PDE1C: variants seen among roughly 807,000 people sequenced by gnomAD.
The protein encoded by PDE1C is dual specificity calcium/calmodulin-dependent 3',5'-cyclic nucleotide phosphodiesterase 1C.
A neutral mutation model predicts 93.1 loss-of-function variants in PDE1C; 62 were observed. The ratio of observed to expected loss-of-function variants is 0.67; its 90% CI spans 0.54 to 0.82. PDE1C has a LOEUF of 0.82. Among genes scored for constraint, PDE1C ranks in the 40% least tolerant of loss-of-function variants. The pLI is 0.00. For synonymous variants in PDE1C, 325 were observed against 310.1 expected, an observed-to-expected ratio of 1.05 and a Z score of -0.50; for missense variants, 742 against 884.6, an observed-to-expected ratio of 0.84 and a Z score of 2.04.
intron 9 of PDE1C, among the ~76,000 whole-genome samples, chr7:31,844,229 AG>A (rs1344555500): frequency 6.6e-6 from 1 of 151,730 alleles, no homozygotes; most frequent in East Asian, 1.9e-4. Flanking sequence ...ATAAATATTT[AG>A]ATTTATTAAT....
chr7:31,760,642 T>C (rs1794773033), intron 17 of PDE1C, among the ~76,000 whole-genome samples: 1 of 152,130 alleles, frequency 6.6e-6, no homozygotes, highest in East Asian at 1.9e-4. Context: ...ATTGGTAGCC[T>C]TAGTTTTAAA....
At chr7:31,794,212 A>G (rs965768767) in intron 16 of PDE1C, among the ~76,000 whole-genome samples, 1 of 151,902 alleles carries the variant, frequency 6.6e-6, no homozygotes, top group African/African-American at 2.4e-5. Flanking sequence ...TAACTCCTAA[A>G]ATTTACCCAT....
chr7:32,382,398 G>T lies in PDE1C; in HGVS notation c.310+45424C>A, dbSNP rs1483904766. Among the ~76,000 whole-genome samples the T allele has an allele frequency of 2.0e-5, 3 of 151,996 alleles. No homozygotes were observed. In the East Asian group the frequency reaches 5.8e-4, roughly 29 times the overall value. ...AAAAAGAGTCCTAAGGCTCTGTCTTGGCCCCCCTACCTTGTATCCCTGTCC... is the reference window on the plus strand; with the variant it reads ...AAAAAGAGTCCTAAGGCTCTGTCTTTGCCCCCCTACCTTGTATCCCTGTCC... On this transcript the variant is annotated intron_variant, in intron 1 of 1. Coordinates refer to the PDE1C transcript ENST00000672256.
chr7:32,397,877 G>T (rs937680190), intron 1 of PDE1C, among the ~76,000 whole-genome samples: 11 of 150,890 alleles, frequency 7.3e-5, no homozygotes, highest in Admixed American at 6.6e-4. Flanking sequence ...AAAATTAGCC[G>T]GGCATGGTGG....
intron 3 of PDE1C, among the ~76,000 whole-genome samples, chr7:32,113,732 A>C (rs1227936624): frequency 6.6e-6 from 1 of 152,046 alleles, no homozygotes; most frequent in African/African-American, 2.4e-5. Flanking sequence ...TTCTGAGAAA[A>C]TTTTTAACCA....
At chr7:31,809,534 C>G (rs1787297180) in intron 15 of PDE1C, among the ~76,000 whole-genome samples, 2 of 152,012 alleles carry the variant, frequency 1.3e-5, no homozygotes, top group African/African-American at 4.8e-5. Flanking sequence ...TCACTCAATA[C>G]AGTTATTATT....
At chr7:32,234,966 A>G (rs1017040708) in intron 1 of PDE1C, among the ~76,000 whole-genome samples, 3 of 152,094 alleles carry the variant, frequency 2.0e-5, no homozygotes, top group African/African-American at 7.2e-5. Context: ...AAATCAATCA[A>G]TGAATTTCAC....
rs932667234 is a variant in PDE1C, at chr7:32,387,344, C to T, written c.310+40478G>A. ...CCACCCTTCCCGCCTTTCTATTCCA[C>T]AAAACCGCCATTGTCATCATGGCCC... On this transcript the variant is annotated intron_variant, in intron 1 of 1. Coordinates refer to the PDE1C transcript ENST00000672256. 2.0e-3 allele frequency among the ~76,000 whole-genome samples: 300 copies of T among 151,574 alleles called. 1 individual carries two copies. The highest frequency in any genetic ancestry group is 6.9e-3 in the African/African-American group (285 of 41,456).
chr7:31,767,160 T>C (rs1156749100), intron 17 of PDE1C, among the ~76,000 whole-genome samples: 2 of 152,230 alleles, frequency 1.3e-5, no homozygotes, highest in Admixed American at 6.5e-5. Flanking sequence ...TCATTCTTTA[T>C]TCTTTGCTTC....
chr7:32,082,395 G>A (rs1369534382), intron 3 of PDE1C, among the ~76,000 whole-genome samples: 1 of 152,256 alleles, frequency 6.6e-6, no homozygotes, highest in African/African-American at 2.4e-5. Flanking sequence ...ACAGCTCAAG[G>A]AGGCCTGCCT....
the PDE1C span, among the ~76,000 whole-genome samples, chr7:31,736,662 A>G: frequency 6.6e-6 from 1 of 152,298 alleles, no homozygotes; most frequent in African/African-American, 2.4e-5. Flanking sequence ...TGCGTGTTCA[A>G]TGTGTTGTGA....
At chr7:32,112,804 A>ATGTG (rs150245670) in intron 3 of PDE1C, among the ~76,000 whole-genome samples, 1,401 of 66,010 alleles carry the variant, frequency 0.021, 15 homozygotes, top group South Asian at 0.082. Context: ...ATATACATAT[A>ATGTG]TGTGTGTGTG....
chr7:31,635,473 G>A, the PDE1C span, among the ~76,000 whole-genome samples: 7 of 152,322 alleles, frequency 4.6e-5, no homozygotes, highest in Admixed American at 4.6e-4. Flanking sequence ...TTCAAGTGAG[G>A]TTCCCAATGT....
intron 3 of PDE1C, among the ~76,000 whole-genome samples, chr7:32,080,878 C>T (rs977220288): frequency 1.1e-4 from 16 of 152,194 alleles, no homozygotes; most frequent in East Asian, 1.9e-4. Flanking sequence ...CACTGTGACT[C>T]GGCCCATAAT....
At chr7:32,137,079 T>C (rs1473339306) in intron 3 of PDE1C, among the ~76,000 whole-genome samples, 2 of 152,226 alleles carry the variant, frequency 1.3e-5, no homozygotes, top group Non-Finnish European at 2.9e-5. Context: ...TATCCCTGTA[T>C]GTAGTTATCC....
At chr7:31,875,202 G>T (rs1236148691) in intron 5 of PDE1C, among the ~76,000 whole-genome samples, 1 of 152,202 alleles carries the variant, frequency 6.6e-6, no homozygotes. Flanking sequence ...GCTGGAAAAT[G>T]CTGTGTCACT....
intron 1 of PDE1C, among the ~76,000 whole-genome samples, chr7:32,061,778 G>GATT (rs1563268500): frequency 6.6e-6 from 1 of 152,226 alleles, no homozygotes. Context: ...GTAAAGTTAT[G>GATT]ATTATTAGCT....
At chr7:31,717,343 G>A in the PDE1C span, among the ~76,000 whole-genome samples, 7 of 152,116 alleles carry the variant, frequency 4.6e-5, no homozygotes, top group Admixed American at 2.6e-4. Context: ...GGATTATTAA[G>A]GTCACTTTGC....
the PDE1C span, among the ~76,000 whole-genome samples, chr7:31,740,225 G>T: frequency 1.3e-5 from 2 of 152,134 alleles, no homozygotes; most frequent in South Asian, 4.1e-4. Flanking sequence ...AGGGAATTCT[G>T]CAAACAAAGT....
Sources: allele counts gnomAD v4.1 joint callset (sites outside exome capture counted in the v4.1 genomes callset), GRCh38; gene constraint gnomAD v4.1.1; transcripts MANE v1.5; gene names NCBI Gene and HGNC (gene_info 2026-07-23, HGNC 2026-07-21).